CNTNAP2: variants seen among roughly 807,000 people sequenced by gnomAD.
The protein encoded by CNTNAP2 is contactin-associated protein-like 2.
In CNTNAP2, 98 loss-of-function variants were observed where a neutral mutation model predicts 155.2. The observed-to-expected ratio is 0.63, with a 90% CI of 0.54 to 0.75. The LOEUF (loss-of-function observed/expected upper bound fraction) is 0.75, where lower values mean the gene tolerates loss of function less well. Ranked by LOEUF, CNTNAP2 falls within the 30% of genes least tolerant of loss-of-function variation. CNTNAP2 has a pLI of 0.00. For missense variants in CNTNAP2, 1,727 were observed against 1,688.1 expected (o/e 1.02, Z -0.40); for synonymous variants, 651 against 631.2 (o/e 1.03, Z -0.47).
At chr7:147,308,149 G>A (rs182392271) in intron 9 of CNTNAP2, among the ~76,000 whole-genome samples, 1 of 152,144 alleles carries the variant, frequency 6.6e-6, no homozygotes, top group Non-Finnish European at 1.5e-5. Context: ...ACCATGAGAA[G>A]ATGGGAGAGA....
intron 3 of CNTNAP2, among the ~76,000 whole-genome samples, chr7:146,939,377 C>G (rs1442178145): frequency 1.3e-5 from 2 of 152,188 alleles, no homozygotes; most frequent in Non-Finnish European, 2.9e-5. Flanking sequence ...AATGTGCCTA[C>G]AGTAAATTCA....
intron 8 of CNTNAP2, among the ~76,000 whole-genome samples, chr7:147,235,138 C>T (rs140583599): frequency 2.7e-3 from 408 of 152,214 alleles, no homozygotes; most frequent in African/African-American, 9.2e-3. Flanking sequence ...ACTGACTCTT[C>T]CCCGAGTGAG....
chr7:147,473,869 C>CA (rs1222409975), intron 10 of CNTNAP2, among the ~76,000 whole-genome samples: 1 of 151,706 alleles, frequency 6.6e-6, no homozygotes, highest in Non-Finnish European at 1.5e-5. Context: ...CACCTGAGGT[C>CA]AGGAGTTTGA....
At chr7:147,699,229 T>C (rs779645852) in intron 13 of CNTNAP2, among the ~76,000 whole-genome samples, 1 of 148,478 alleles carries the variant, frequency 6.7e-6, no homozygotes, top group Non-Finnish European at 1.5e-5. Flanking sequence ...ACTAAAATTC[T>C]ATTAAAAAAA....
intron 9 of CNTNAP2, among the ~76,000 whole-genome samples, chr7:147,370,467 C>T (rs991394637): frequency 2.0e-5 from 3 of 152,026 alleles, no homozygotes; most frequent in Admixed American, 6.6e-5. Context: ...GTTAAATTTT[C>T]AGGAATTCCG....
intron 1 of CNTNAP2, among the ~76,000 whole-genome samples, chr7:146,348,173 A>T (rs1178585885): frequency 6.6e-6 from 1 of 152,172 alleles, no homozygotes; most frequent in Non-Finnish European, 1.5e-5. Flanking sequence ...TAATCCCAGC[A>T]CTTTAGGAGG....
intron 19 of CNTNAP2, among the ~76,000 whole-genome samples, chr7:148,229,385 C>A (rs994604178): frequency 6.6e-6 from 1 of 152,018 alleles, no homozygotes; most frequent in East Asian, 1.9e-4. Flanking sequence ...ATTAGCCAGG[C>A]GTGGTGGCAG....
intron 1 of CNTNAP2, among the ~76,000 whole-genome samples, chr7:146,140,298 C>T (rs1797858592): frequency 6.6e-6 from 1 of 152,100 alleles, no homozygotes; most frequent in Non-Finnish European, 1.5e-5. Context: ...ATGGCAGAGT[C>T]TTCTTCCTGT....
At chr7:147,817,904 CAAA>C (rs56695268) in intron 13 of CNTNAP2, among the ~76,000 whole-genome samples, 8 of 95,546 alleles carry the variant, frequency 8.4e-5, no homozygotes, top group Admixed American at 1.1e-4. Context: ...GACTCTGTCT[CAAA>C]AAAAAAAAAA....
chr7:148,115,141 C>T (rs2116603602), intron 15 of CNTNAP2, among the ~76,000 whole-genome samples: 1 of 152,296 alleles, frequency 6.6e-6, no homozygotes, highest in East Asian at 1.9e-4. Flanking sequence ...ATTGAAGTTG[C>T]TTAGTGAGCA....
intron 1 of CNTNAP2, among the ~76,000 whole-genome samples, chr7:146,251,089 A>G (rs1359340873): frequency 6.6e-6 from 1 of 152,226 alleles, no homozygotes. Flanking sequence ...TAGAAATCAG[A>G]TATTATATCT....
intron 1 of CNTNAP2, among the ~76,000 whole-genome samples, chr7:146,312,682 C>G (rs895907484): frequency 6.6e-6 from 1 of 152,140 alleles, no homozygotes; most frequent in Admixed American, 6.5e-5. Context: ...TTCAGTCTAA[C>G]TAATTCTTTG....
intron 15 of CNTNAP2, among the ~76,000 whole-genome samples, chr7:148,102,047 G>A (rs1804112482): frequency 6.6e-6 from 1 of 152,064 alleles, no homozygotes; most frequent in Non-Finnish European, 1.5e-5. Flanking sequence ...CGTGTGACGG[G>A]GGGTTGTTGT....
At chr7:147,688,513 G>A (rs1796046860) in intron 13 of CNTNAP2, among the ~76,000 whole-genome samples, 1 of 152,198 alleles carries the variant, frequency 6.6e-6, no homozygotes, top group African/African-American at 2.4e-5. Context: ...AGCCTATCAG[G>A]TCACAAACCA....
chr7:148,063,987 G>T (rs1315707571), intron 15 of CNTNAP2, among the ~76,000 whole-genome samples: 1 of 152,046 alleles, frequency 6.6e-6, no homozygotes, highest in African/African-American at 2.4e-5. Flanking sequence ...TGAAAAGGGT[G>T]TCCTTTTCCC....
intron 13 of CNTNAP2, among the ~76,000 whole-genome samples, chr7:147,780,478 C>G (rs1797646866): frequency 6.6e-6 from 1 of 152,054 alleles, no homozygotes; most frequent in African/African-American, 2.4e-5. Flanking sequence ...CTACATCTAG[C>G]CACAGAAAAT....
chr7:148,019,727 G>A (rs545469904), intron 15 of CNTNAP2, among the ~76,000 whole-genome samples: 173 of 152,150 alleles, frequency 1.1e-3, no homozygotes, highest in Non-Finnish European at 5.1e-4. Flanking sequence ...AAAGTGCTGG[G>A]GTTACAGGTG....
chr7:148,188,978 G>A (rs954535683), intron 18 of CNTNAP2, among the ~76,000 whole-genome samples: 5 of 152,106 alleles, frequency 3.3e-5, no homozygotes, highest in Admixed American at 3.3e-4. Context: ...TAATACTGCA[G>A]TAAATGATTT....
chr7:146,221,285 C>T (rs1334778398), intron 1 of CNTNAP2, among the ~76,000 whole-genome samples: 1 of 152,010 alleles, frequency 6.6e-6, no homozygotes, highest in Non-Finnish European at 1.5e-5. Flanking sequence ...GCTATATATG[C>T]AACAATATAT....
Sources: gnomAD v4.1 joint callset for allele counts (sites outside exome capture counted in the v4.1 genomes callset) on GRCh38, gnomAD v4.1.1 for gene constraint, MANE v1.5 for transcripts, NCBI Gene and HGNC (gene_info 2026-07-23, HGNC 2026-07-21) for gene names.